Variants in PLEKHA8 observed in about 807,000 individuals in gnomAD.
PLEKHA8 encodes the protein pleckstrin homology domain containing A8.
In PLEKHA8, 36 loss-of-function variants were observed where a neutral mutation model predicts 68.2. The ratio of observed to expected loss-of-function variants is 0.53; its 90% CI spans 0.40 to 0.70. The LOEUF (loss-of-function observed/expected upper bound fraction) is 0.70, where lower values mean the gene tolerates loss of function less well. Ranked by LOEUF, PLEKHA8 falls within the 30% of genes least tolerant of loss-of-function variation. The pLI is 0.00. For missense variants in PLEKHA8, 505 were observed against 615.4 expected, an observed-to-expected ratio of 0.82 and a Z score of 1.90; for synonymous variants, 211 against 216.1, an observed-to-expected ratio of 0.98 and a Z score of 0.20.
At chr7:30,094,551 T>C (rs1338251340), downstream of PLEKHA8, among the ~76,000 whole-genome samples, 1 of 151,988 alleles carries the variant, frequency 6.6e-6, no homozygotes, top group Non-Finnish European at 1.5e-5. Context: ...TTAGGAAACA[T>C]GGGCACAACT....
At chr7:30,091,337 A>G (rs933671808), downstream of PLEKHA8, among the ~76,000 whole-genome samples, 1 of 148,502 alleles carries the variant, frequency 6.7e-6, no homozygotes, top group African/African-American at 2.5e-5. Context: ...TTAATGGAGG[A>G]TGGGAGGTGT....
chr7:30,040,315 C>G (rs1272109438), intron 1 of PLEKHA8, among the ~76,000 whole-genome samples: 1 of 152,198 alleles, frequency 6.6e-6, no homozygotes, highest in East Asian at 1.9e-4. Flanking sequence ...TTCTGTCCCT[C>G]AAATCCTTCC....
chr7:30,062,653 T>C lies in PLEKHA8; in HGVS notation c.1230-19T>C. On this transcript the variant is annotated intron_variant, in intron 11 of 13. Coordinates refer to ENST00000449726, the MANE Select transcript of PLEKHA8 (RefSeq NM_001197026.2). ...AAGTGAACTTTGAAAATAATATTTC[T>C]TCCTTTATTTTGTTTTAGAGGTCTC... 6.4e-7 allele frequency: 1 copy of C among 1,563,842 alleles called. No individual in the cohort carries two copies. The highest frequency in any genetic ancestry group is 8.8e-7 in the Non-Finnish European group (1 of 1,134,822).
At chr7:30,071,483 G>A (rs1794235829) in intron 12 of PLEKHA8, among the ~76,000 whole-genome samples, 1 of 152,196 alleles carries the variant, frequency 6.6e-6, no homozygotes, top group African/African-American at 2.4e-5. Flanking sequence ...GACTGGATTA[G>A]TTTCTCCCTT....
At chr7:30,108,067 CAAAAAAAAAAAA>C (rs796801365) in intron 13 of PLEKHA8, among the ~76,000 whole-genome samples, 69 of 52,834 alleles carry the variant, frequency 1.3e-3, no homozygotes, top group Admixed American at 6.4e-3. Context: ...AACTCCATCT[CAAAAAAAAAAAA>C]AAAAAAAAAA....
intron 1 of PLEKHA8, among the ~76,000 whole-genome samples, chr7:30,038,797 G>A (rs998473235): frequency 2.0e-5 from 3 of 152,070 alleles, no homozygotes; most frequent in Non-Finnish European, 4.4e-5. Context: ...GTACTTTCTA[G>A]TCAGAAGTGG....
intron 13 of PLEKHA8, among the ~76,000 whole-genome samples, chr7:30,113,958 G>A (rs1341597712): frequency 1.3e-5 from 2 of 151,008 alleles, no homozygotes; most frequent in African/African-American, 4.9e-5. Context: ...GAATGCAGGG[G>A]CACAATCTCA....
At chr7:30,098,030 G>A (rs1236023007) in intron 13 of PLEKHA8, among the ~76,000 whole-genome samples, 2 of 152,180 alleles carry the variant, frequency 1.3e-5, no homozygotes, top group Non-Finnish European at 2.9e-5. Context: ...CTGTTTGTTA[G>A]TTTTCCTTCT....
At chr7:30,126,296 T>C (rs965317012) in intron 13 of PLEKHA8, among the ~76,000 whole-genome samples, 5 of 150,800 alleles carry the variant, frequency 3.3e-5, no homozygotes, top group African/African-American at 1.2e-4. Context: ...CTTTAAAACA[T>C]AGACTCTTGG....
rs773840352 is a variant in PLEKHA8 at position 30,084,589 on chromosome 7, A to G, written c.*5802A>G. On this transcript the variant is annotated 3_prime_UTR_variant, in exon 14 of 14. Transcript: ENST00000449726. ...GGAGGGTTTTACTTTTTTTGCAAAA[A>G]TGTTTGAAAATATCTGTCAGATTTT... 18 of 966,336 alleles carry G rather than the reference A, an allele frequency of 1.9e-5. No individual in the cohort carries two copies. The highest frequency in any genetic ancestry group is 3.5e-5 in the African/African-American group (2 of 56,736). 59.9% of individuals were successfully genotyped at this position (966,336 alleles called of 1,614,324 possible).
At position 30,044,257 on chromosome 7, in the gene PLEKHA8, G is replaced by A. The variant is rs191662254; in HGVS notation, c.41-828G>A. Among the ~76,000 whole-genome samples, 300 of 151,976 alleles carry A rather than the reference G, an allele frequency of 2.0e-3. 2 individuals are homozygous for A. The highest frequency in any genetic ancestry group is 6.6e-3 in the African/African-American group (274 of 41,456). ...CCTGACCTCATGATCCATCCACCTC[G>A]ACCTCCCAAAGTGCTGGGATTACAG... On this transcript the variant is annotated intron_variant, in intron 1 of 13. Coordinates refer to ENST00000449726, the MANE Select transcript of PLEKHA8 (RefSeq NM_001197026.2).
At chr7:30,095,138 A>G (rs551822474), downstream of PLEKHA8, among the ~76,000 whole-genome samples, 1 of 152,314 alleles carries the variant, frequency 6.6e-6, no homozygotes, top group South Asian at 2.1e-4. Context: ...TTACAGTCCC[A>G]CCAACAGTGT....
chr7:30,106,182 C>T (rs1020717344), intron 13 of PLEKHA8, among the ~76,000 whole-genome samples: 16 of 152,200 alleles, frequency 1.1e-4, no homozygotes, highest in African/African-American at 3.9e-4. Context: ...CCTCAGCCTT[C>T]CCAGTAGCTG....
chr7:30,102,895 CT>C (rs903535109), intron 13 of PLEKHA8, among the ~76,000 whole-genome samples: 3 of 152,170 alleles, frequency 2.0e-5, no homozygotes, highest in African/African-American at 7.2e-5. Context: ...AACAAAAGCC[CT>C]TCCCTACAAA....
rs1287314570 is a variant in PLEKHA8 at position 30,080,003 on chromosome 7, G to A, written c.*1216G>A. The A allele has an allele frequency of 5.1e-6, 5 of 984,938 alleles. No individual in the cohort carries two copies. Among genetic ancestry groups the A allele is most frequent in the Non-Finnish European group, 6.0e-6 (5 of 829,882 alleles). The allele number at this position is 984,938 out of a possible 1,614,324, so 61.0% of individuals were successfully genotyped here. A position where few individuals can be genotyped will look rare whatever the true frequency, so the allele number is the denominator to read the frequency against. On this transcript the variant is annotated 3_prime_UTR_variant, in exon 14 of 14. Transcript: ENST00000449726. ...TTCAGCAGCATTCTTAATTGAGCCAGCATTGACACCCAGCCAGCAGGCCTT... is the reference window on the plus strand; with the variant it reads ...TTCAGCAGCATTCTTAATTGAGCCAACATTGACACCCAGCCAGCAGGCCTT...
rs536658232 is a variant in PLEKHA8 at position 30,101,966 on chromosome 7, C to T, written c.1363-27300C>T. ...ATCAAATTAAAAAACTTTTGTGCAT[C>T]AAAGGACATTGTCAAAGAAATGAGA... On this transcript the variant is annotated intron_variant, in intron 13 of 13. Transcript: ENST00000396257. 2.0e-5 allele frequency among the ~76,000 whole-genome samples: 3 copies of T among 152,106 alleles called. No individual in the cohort carries two copies. The South Asian group carries it at 6.2e-4, about 32-fold the overall frequency.
downstream of PLEKHA8, among the ~76,000 whole-genome samples, chr7:30,091,443 A>G (rs868209654): frequency 1.3e-5 from 2 of 152,118 alleles, no homozygotes; most frequent in African/African-American, 4.8e-5. Flanking sequence ...ACTCCTATCA[A>G]GGTTCTTTAA....
chr7:30,042,118 T>G (rs894489696), intron 1 of PLEKHA8, among the ~76,000 whole-genome samples: 14 of 152,198 alleles, frequency 9.2e-5, no homozygotes, highest in African/African-American at 3.4e-4. Flanking sequence ...GAATTCCTCC[T>G]GCGACTGCCT....
At chr7:30,043,813 G>A (rs1338593460) in intron 1 of PLEKHA8, among the ~76,000 whole-genome samples, 1 of 152,034 alleles carries the variant, frequency 6.6e-6, no homozygotes, top group Non-Finnish European at 1.5e-5. Flanking sequence ...ATTGGTGTCC[G>A]GCCCACTTGG....
Sources: allele counts gnomAD v4.1 joint callset (sites outside exome capture counted in the v4.1 genomes callset), GRCh38; gene constraint gnomAD v4.1.1; transcripts MANE v1.5; gene names NCBI Gene and HGNC (gene_info 2026-07-23, HGNC 2026-07-21).